FHIP1A: variants seen among roughly 807,000 people sequenced by gnomAD.
FHIP1A encodes FHF complex subunit HOOK interacting protein 1A, also known as FHF complex subunit HOOK-interacting protein 1A.
FHIP1A carries 61 observed loss-of-function variants against 88.6 expected under a neutral mutation model. The ratio of observed to expected loss-of-function variants is 0.69; its 90% CI spans 0.56 to 0.85. FHIP1A has a LOEUF of 0.85. Among genes scored for constraint, FHIP1A ranks in the 40% least tolerant of loss-of-function variants. FHIP1A has a pLI of 0.00. For missense variants in FHIP1A, 1,154 were observed against 1,273.5 expected (o/e 0.91, Z 1.43); for synonymous variants, 478 against 496.0 (o/e 0.96, Z 0.48).
chr4:151,412,584 T>TTTCCTTCCTTCCTTCCTTCCTTCCTTCC (rs1193555902), intron 1 of FHIP1A, among the ~76,000 whole-genome samples: 1 of 115,160 alleles, frequency 8.7e-6, no homozygotes, highest in African/African-American at 3.7e-5. Flanking sequence ...CTTTCCTTTC[T>TTTCCTTCCTTCCTTCCTTCCTTCCTTCC]TTCCTTCCTT....
At chr4:151,518,897 G>C (rs141336212) in intron 3 of FHIP1A, among the ~76,000 whole-genome samples, 1,704 of 151,998 alleles carry the variant, frequency 0.011, 15 homozygotes, top group Non-Finnish European at 0.017. Context: ...GTCCAGGCTG[G>C]TCTCGAGGTC....
intron 1 of FHIP1A, among the ~76,000 whole-genome samples, chr4:151,437,919 T>C (rs559103841): frequency 6.6e-6 from 1 of 152,336 alleles, no homozygotes; most frequent in African/African-American, 2.4e-5. Context: ...TTTAAAAATA[T>C]GTTATTATAT....
chr4:151,519,607 A>G (rs1731382302), intron 3 of FHIP1A, among the ~76,000 whole-genome samples: 1 of 152,134 alleles, frequency 6.6e-6, no homozygotes, highest in Admixed American at 6.6e-5. Context: ...ATATGTATAT[A>G]TACACATCCA....
rs551146757 is a variant in FHIP1A, at chr4:151,500,934, G to A, written c.-123+18286G>A. Among the ~76,000 whole-genome samples the A allele has an allele frequency of 2.1e-4, 32 of 152,242 alleles. No individual in the cohort carries two copies. In the South Asian group the frequency reaches 3.3e-3, roughly 16 times the overall value. On this transcript the variant is annotated intron_variant, in intron 3 of 13. Coordinates refer to ENST00000435205, the MANE Select transcript of FHIP1A (RefSeq NM_001109977.3). ...GTATTTTTAGCTGACAAAAATTGCC[G>A]ATGCACTGAAAAGTACTGCTGTGTT...
chr4:151,628,235 C>G (rs544864357), intron 7 of FHIP1A, among the ~76,000 whole-genome samples: 1 of 152,292 alleles, frequency 6.6e-6, no homozygotes, highest in East Asian at 1.9e-4. Context: ...TGTGGAATGA[C>G]TTCTCGTTAG....
intron 1 of FHIP1A, among the ~76,000 whole-genome samples, chr4:151,412,000 A>G (rs1423030631): frequency 6.6e-6 from 1 of 152,254 alleles, no homozygotes; most frequent in East Asian, 1.9e-4. Context: ...TATGTTTCAC[A>G]GAGTGCTTTC....
chr4:151,653,346 C>CTG (rs141948251), intron 11 of FHIP1A, among the ~76,000 whole-genome samples: 16,459 of 151,624 alleles, frequency 0.11, 905 homozygotes, highest in African/African-American at 0.12. Context: ...CTAGGTCTCT[C>CTG]TGTGTGTGTG....
At chr4:151,578,318 G>T (rs565723774) in intron 5 of FHIP1A, among the ~76,000 whole-genome samples, 1 of 152,190 alleles carries the variant, frequency 6.6e-6, no homozygotes, top group South Asian at 2.1e-4. Flanking sequence ...ACCATTTTTG[G>T]TTAATTTTTA....
intron 8 of FHIP1A, among the ~76,000 whole-genome samples, chr4:151,631,037 A>G (rs984636354): frequency 6.6e-6 from 1 of 152,188 alleles, no homozygotes; most frequent in Non-Finnish European, 1.5e-5. Flanking sequence ...TTGTGAACAC[A>G]TATGTTAAAA....
chr4:151,489,478 G>T (rs559991181), intron 3 of FHIP1A, among the ~76,000 whole-genome samples: 114 of 152,234 alleles, frequency 7.5e-4, no homozygotes, highest in African/African-American at 1.9e-3. Context: ...AACAGGAAGC[G>T]CGGATAGGAG....
chr4:151,569,032 G>T (rs1197316160), intron 4 of FHIP1A, among the ~76,000 whole-genome samples: 1 of 152,140 alleles, frequency 6.6e-6, no homozygotes, highest in Non-Finnish European at 1.5e-5. Context: ...GCTGTGAGTT[G>T]TTGGGCTGGG....
At position 151,577,809 on chromosome 4, in the gene FHIP1A, C is replaced by G. The variant is rs1393059409; in HGVS notation, c.465C>G (p.Thr155=). 1 of 1,551,872 alleles carries G rather than the reference C, an allele frequency of 6.4e-7. No individual in the cohort carries two copies. Among genetic ancestry groups the G allele is most frequent in the African/African-American group, 1.4e-5 (1 of 72,998 alleles). Residue 155 remains threonine, a synonymous_variant, in exon 5 of 14, where the codon ACC becomes ACG. Coordinates refer to ENST00000435205, the MANE Select transcript of FHIP1A (RefSeq NM_001109977.3). ...MLLSSCSGTT[T]PTVEEKLVVL... ...TGAGCTCTTGTTCAGGAACAACCAC[C>G]CCCACTGTGGAGGAGAAGCTGGTTG... is the stretch of plus-strand genomic sequence containing the variant.
chr4:151,526,380 C>T (rs529388034), intron 3 of FHIP1A, among the ~76,000 whole-genome samples: 21 of 150,162 alleles, frequency 1.4e-4, no homozygotes, highest in South Asian at 4.2e-4. Context: ...GCTGGCCGGG[C>T]GGGGGGCTGA....
intron 4 of FHIP1A, among the ~76,000 whole-genome samples, chr4:151,571,550 A>G (rs760870474): frequency 1.3e-5 from 2 of 152,126 alleles, no homozygotes; most frequent in African/African-American, 4.8e-5. Flanking sequence ...TGGAGCTCCA[A>G]GTAGCCCGAA....
chr4:151,542,089 T>G (rs950381997), intron 3 of FHIP1A, among the ~76,000 whole-genome samples: 5 of 152,088 alleles, frequency 3.3e-5, no homozygotes, highest in Non-Finnish European at 7.4e-5. Context: ...GAGGTTTTCT[T>G]TTTTTTCTTT....
At chr4:151,527,849 T>C (rs1731736436) in intron 3 of FHIP1A, among the ~76,000 whole-genome samples, 1 of 152,022 alleles carries the variant, frequency 6.6e-6, no homozygotes, top group Non-Finnish European at 1.5e-5. Flanking sequence ...TCAAAGATTC[T>C]GATTTTATTT....
At chr4:151,479,459 A>G (rs1223337611) in intron 2 of FHIP1A, among the ~76,000 whole-genome samples, 1 of 152,104 alleles carries the variant, frequency 6.6e-6, no homozygotes, top group Admixed American at 6.6e-5. Flanking sequence ...ACATGTGAAT[A>G]TAATGTATTA....
At chr4:151,412,571 TTTCTTTCCTTTCTTTCC>T (rs1431354229) in intron 1 of FHIP1A, among the ~76,000 whole-genome samples, 8 of 137,908 alleles carry the variant, frequency 5.8e-5, no homozygotes, top group Non-Finnish European at 1.2e-4. Context: ...TCTTTCTTTC[TTTCTTTCCTTTCTTTCC>T]TTCCTTCCTT....
intron 3 of FHIP1A, among the ~76,000 whole-genome samples, chr4:151,552,227 G>A (rs1322464935): frequency 2.0e-5 from 3 of 152,150 alleles, no homozygotes; most frequent in Non-Finnish European, 4.4e-5. Context: ...CACTGTTGGT[G>A]GGACTGTAAA....
Sources: gnomAD v4.1 joint callset for allele counts (sites outside exome capture counted in the v4.1 genomes callset) on GRCh38, gnomAD v4.1.1 for gene constraint, MANE v1.5 for transcripts, NCBI Gene and HGNC (gene_info 2026-07-23, HGNC 2026-07-21) for gene names.